ADCY9: variants seen among roughly 807,000 people sequenced by gnomAD.
ADCY9 encodes adenylate cyclase type 9.
A neutral mutation model predicts 101.5 loss-of-function variants in ADCY9; 50 were observed. The observed-to-expected ratio is 0.49, with a 90% CI of 0.39 to 0.62. ADCY9 has a LOEUF of 0.62. Ranked by LOEUF, ADCY9 falls within the 20% of genes least tolerant of loss-of-function variation. The pLI is 0.00. For synonymous variants in ADCY9, 905 were observed against 769.3 expected, an observed-to-expected ratio of 1.18 and a Z score of -2.92; for missense variants, 1,662 against 1,800.4, an observed-to-expected ratio of 0.92 and a Z score of 1.39.
intron 2 of ADCY9, among the ~76,000 whole-genome samples, chr16:4,098,465 C>G (rs1482015587): frequency 6.6e-6 from 1 of 152,014 alleles, no homozygotes; most frequent in African/African-American, 2.4e-5. Context: ...AACTCCCGAC[C>G]TCAGGTGATC....
At chr16:4,101,983 CACTTGCCCTTTTTATT>C (rs2057046057) in intron 2 of ADCY9, among the ~76,000 whole-genome samples, 1 of 152,286 alleles carries the variant, frequency 6.6e-6, no homozygotes, top group East Asian at 1.9e-4. Flanking sequence ...GTATTTTGGA[CACTTGCCCTTTTTATT>C]ACGAGAAACT....
intron 2 of ADCY9, among the ~76,000 whole-genome samples, chr16:4,092,517 G>T (rs1484941544): frequency 6.6e-6 from 1 of 152,010 alleles, no homozygotes; most frequent in African/African-American, 2.4e-5. Flanking sequence ...ATTGACTTTC[G>T]ATTATACAAT....
At chr16:4,046,778 G>C (rs889319574) in intron 2 of ADCY9, among the ~76,000 whole-genome samples, 3 of 152,222 alleles carry the variant, frequency 2.0e-5, no homozygotes, top group Admixed American at 6.5e-5. Context: ...CTTCGCTAGA[G>C]CCCAGAAGTT....
intron 3 of ADCY9, among the ~76,000 whole-genome samples, chr16:4,003,004 C>T (rs1005640921): frequency 5.9e-5 from 9 of 152,220 alleles, no homozygotes; most frequent in African/African-American, 2.2e-4. Flanking sequence ...GCATGAGCCA[C>T]TGAGCCCAGT....
intron 2 of ADCY9, among the ~76,000 whole-genome samples, chr16:4,040,862 T>G (rs943185895): frequency 3.9e-5 from 6 of 152,202 alleles, no homozygotes; most frequent in Non-Finnish European, 1.5e-5. Flanking sequence ...ATAATCACAC[T>G]TGTGTAGTAC....
At chr16:3,957,754 A>C (rs1272567138), downstream of ADCY9, among the ~76,000 whole-genome samples, 2 of 152,186 alleles carry the variant, frequency 1.3e-5, no homozygotes, top group Non-Finnish European at 2.9e-5. Flanking sequence ...GTCTTGGCAC[A>C]AGCATGTCTG....
At chr16:3,975,496 C>G (rs925498759) in intron 9 of ADCY9, among the ~76,000 whole-genome samples, 1 of 152,170 alleles carries the variant, frequency 6.6e-6, no homozygotes, top group Non-Finnish European at 1.5e-5. Context: ...CCTACTCCGT[C>G]TGATACTGAC....
intron 2 of ADCY9, among the ~76,000 whole-genome samples, chr16:4,084,382 G>C (rs1202275235): frequency 2.0e-5 from 3 of 151,974 alleles, no homozygotes; most frequent in Non-Finnish European, 4.4e-5. Flanking sequence ...AAAGTGCTGG[G>C]TTTACAGGCC....
chr16:4,087,233 CCTT>C (rs1308847843), intron 2 of ADCY9, among the ~76,000 whole-genome samples: 1 of 151,900 alleles, frequency 6.6e-6, no homozygotes, highest in African/African-American at 2.4e-5. Flanking sequence ...TGTAACATCT[CCTT>C]CTTTAAGAAC....
intron 2 of ADCY9, among the ~76,000 whole-genome samples, chr16:4,033,943 G>T (rs1460334781): frequency 6.6e-6 from 1 of 152,138 alleles, no homozygotes; most frequent in African/African-American, 2.4e-5. Flanking sequence ...ACCGATGCTG[G>T]CCTGTTCAAA....
intron 10 of ADCY9, among the ~76,000 whole-genome samples, chr16:3,968,060 A>G (rs2056015172): frequency 6.6e-6 from 1 of 152,228 alleles, no homozygotes; most frequent in South Asian, 2.1e-4. Context: ...TTCAGCATGT[A>G]TCTCCTAAGA....
chr16:4,109,448 T>A (rs1228872140), intron 2 of ADCY9, among the ~76,000 whole-genome samples: 5 of 152,158 alleles, frequency 3.3e-5, no homozygotes, highest in Non-Finnish European at 7.3e-5. Context: ...TGGCACGGAG[T>A]AAATGATTTG....
At chr16:4,019,788 G>C (rs1816708916) in intron 2 of ADCY9, among the ~76,000 whole-genome samples, 1 of 152,124 alleles carries the variant, frequency 6.6e-6, no homozygotes, top group African/African-American at 2.4e-5. Context: ...TAGAGAAGAA[G>C]AGATACATGC....
intron 6 of ADCY9, among the ~76,000 whole-genome samples, chr16:3,985,254 C>T (rs376750537): frequency 6.6e-6 from 1 of 151,632 alleles, no homozygotes; most frequent in Non-Finnish European, 1.5e-5. Flanking sequence ...ATTCTCCTGC[C>T]TCAGCCTCTG....
chr16:4,008,719 C>T (rs1163411675), intron 2 of ADCY9, among the ~76,000 whole-genome samples: 19 of 152,112 alleles, frequency 1.2e-4, no homozygotes, highest in African/African-American at 1.2e-4. Flanking sequence ...TCCACCACCA[C>T]GCCTGGCTAA....
chr16:4,103,224 C>G (rs1220507717), intron 2 of ADCY9, among the ~76,000 whole-genome samples: 2 of 152,204 alleles, frequency 1.3e-5, no homozygotes, highest in East Asian at 1.9e-4. Flanking sequence ...GTGGCACATA[C>G]AAAACCCTCA....
At chr16:4,076,102 G>A (rs556013113) in intron 2 of ADCY9, among the ~76,000 whole-genome samples, 4 of 152,196 alleles carry the variant, frequency 2.6e-5, no homozygotes, top group Non-Finnish European at 5.9e-5. Flanking sequence ...GCTGAGGTGG[G>A]AGGATCACTT....
chr16:4,059,379 G>GCAA lies in ADCY9; in HGVS notation c.1694-51822_1694-51821insTTG, dbSNP rs34159566. 4.2e-5 allele frequency among the ~76,000 whole-genome samples: 5 copies of GCAA among 118,426 alleles called. 1 individual carries two copies. Among genetic ancestry groups the GCAA allele is most frequent in the Admixed American group, 9.5e-5 (1 of 10,540 alleles). 77.7% of individuals were successfully genotyped at this position (118,426 alleles called of 152,430 possible). Reference sequence around the variant, plus strand: ...CTGGGCGACACAGCGAGAATCCATCGAAAAAAAAAAAAAAAGAAAAAAAAA... The same window carrying GCAA: ...CTGGGCGACACAGCGAGAATCCATCGCAAAAAAAAAAAAAAAAAGAAAAAAAAA... On this transcript the variant is annotated intron_variant, in intron 2 of 10. Coordinates refer to ENST00000294016, the MANE Select transcript of ADCY9 (RefSeq NM_001116.4).
At chr16:4,046,711 G>A (rs946044116) in intron 2 of ADCY9, among the ~76,000 whole-genome samples, 1 of 152,102 alleles carries the variant, frequency 6.6e-6, no homozygotes, top group Non-Finnish European at 1.5e-5. Context: ...CTTAAAGCAA[G>A]ATTTTCCACA....
Sources: gnomAD v4.1 joint callset for allele counts (sites outside exome capture counted in the v4.1 genomes callset) on GRCh38, gnomAD v4.1.1 for gene constraint, MANE v1.5 for transcripts, NCBI Gene and HGNC (gene_info 2026-07-23, HGNC 2026-07-21) for gene names.